Variants in CSMD3 observed in about 807,000 individuals in gnomAD.
CSMD3 encodes the protein CUB and sushi domain-containing protein 3.
Under a neutral mutation model 435.2 loss-of-function variants are expected in CSMD3, and 177 were observed. That is an observed-to-expected ratio of 0.41 (90% CI 0.36 to 0.46). The LOEUF (loss-of-function observed/expected upper bound fraction) is 0.46. Among genes scored for constraint, CSMD3 ranks in the 20% least tolerant of loss-of-function variants. The pLI is 0.34. For missense variants in CSMD3, 4,265 were observed against 4,504.6 expected, an observed-to-expected ratio of 0.95 and a Z score of 1.52; for synonymous variants, 1,656 against 1,520.5, an observed-to-expected ratio of 1.09 and a Z score of -2.07.
chr8:113,320,909 G>T (rs182001417), intron 1 of CSMD3, among the ~76,000 whole-genome samples: 2 of 152,198 alleles, frequency 1.3e-5, no homozygotes, highest in Admixed American at 6.5e-5. Context: ...TCTCCGTGTA[G>T]ATGTAGCATA....
intron 1 of CSMD3, among the ~76,000 whole-genome samples, chr8:113,421,551 T>C (rs370079772): frequency 2.0e-5 from 3 of 152,212 alleles, no homozygotes; most frequent in Non-Finnish European, 2.9e-5. Flanking sequence ...TTGTCAACTG[T>C]GTTTTTTTGG....
At chr8:113,406,812 C>T (rs1034750375) in intron 1 of CSMD3, among the ~76,000 whole-genome samples, 9 of 151,972 alleles carry the variant, frequency 5.9e-5, no homozygotes, top group African/African-American at 1.9e-4. Flanking sequence ...ATTTAGTAAG[C>T]TATAATATTT....
At chr8:112,238,232 G>T (rs1813783231) in intron 66 of CSMD3, among the ~76,000 whole-genome samples, 1 of 151,952 alleles carries the variant, frequency 6.6e-6, no homozygotes, top group South Asian at 2.1e-4. Flanking sequence ...ACCCTCTTTG[G>T]ATGAATGACT....
At chr8:112,310,875 C>T (rs778967374) in intron 50 of CSMD3, 103 bp downstream of exon 50, 30 of 943,466 alleles carry the variant, frequency 3.2e-5, no homozygotes, top group South Asian at 1.1e-4. Flanking sequence ...AATATGCTTC[C>T]GAATATTTCC....
intron 1 of CSMD3, among the ~76,000 whole-genome samples, chr8:113,413,200 T>C (rs1292272779): frequency 3.3e-5 from 5 of 152,124 alleles, no homozygotes. Flanking sequence ...AATTGCTTCA[T>C]AAGGATTATA....
Position 112,517,005 on chromosome 8 carries a change from TA to T in CSMD3, c.4756+28del, listed in dbSNP as rs565716543. On this transcript the variant is annotated intron_variant, in intron 28 of 70. Coordinates refer to ENST00000297405, the MANE Select transcript of CSMD3 (RefSeq NM_198123.2). ...TTTTAACCATTGTTTTATGTTTATA[TA>T]AAATTTTAATTGTTCTTTAATTCAT... 4.9e-5 allele frequency: 76 copies of T among 1,560,378 alleles called. No homozygotes were observed. In the African/African-American group the frequency reaches 9.2e-4, roughly 19 times the overall value.
chr8:112,986,331 C>T (rs1464069962), intron 6 of CSMD3, among the ~76,000 whole-genome samples: 1 of 152,074 alleles, frequency 6.6e-6, no homozygotes, highest in African/African-American at 2.4e-5. Flanking sequence ...AAATTTTCTA[C>T]ATACCAAGTA....
At chr8:112,827,164 AATATATATAT>A (rs3047126) in intron 12 of CSMD3, among the ~76,000 whole-genome samples, 1,457 of 82,826 alleles carry the variant, frequency 0.018, 58 homozygotes, top group African/African-American at 0.062. Flanking sequence ...GGTTACCATA[AATATATATAT>A]ATATATATAT....
chr8:112,954,059 T>A (rs887415625), intron 8 of CSMD3, among the ~76,000 whole-genome samples: 1 of 151,498 alleles, frequency 6.6e-6, no homozygotes, highest in African/African-American at 2.4e-5. Flanking sequence ...TTTAAATGAA[T>A]GCTCTAATTC....
chr8:112,261,522 A>ATG (rs373332577), intron 61 of CSMD3, among the ~76,000 whole-genome samples: 334 of 150,638 alleles, frequency 2.2e-3, no homozygotes, highest in Middle Eastern at 0.017. Context: ...ACGTGTATGC[A>ATG]TGTGTGTGTG....
At position 113,055,821 on chromosome 8, in the gene CSMD3, G is replaced by A. The variant is rs374881592; in HGVS notation, c.918-36642C>T. 4.9e-4 allele frequency among the ~76,000 whole-genome samples: 74 copies of A among 152,246 alleles called. No homozygotes were observed. The South Asian group carries it at 0.015, about 32-fold the overall frequency. On this transcript the variant is annotated intron_variant, in intron 5 of 70. Coordinates refer to ENST00000297405, the MANE Select transcript of CSMD3 (RefSeq NM_198123.2). ...TAGTAGAGGCAAGGCATTTGGCATT[G>A]TTATTTATCAAGTTGAGGTACTGTA...
chr8:112,409,326 T>G (rs1206316604), intron 32 of CSMD3, among the ~76,000 whole-genome samples: 2 of 151,988 alleles, frequency 1.3e-5, no homozygotes, highest in Non-Finnish European at 2.9e-5. Context: ...AAATTGATGA[T>G]TAATACTTTA....
intron 2 of CSMD3, among the ~76,000 whole-genome samples, chr8:113,292,070 T>C (rs2093690178): frequency 6.6e-6 from 1 of 151,796 alleles, no homozygotes; most frequent in Non-Finnish European, 1.5e-5. Context: ...AGGTATTCAA[T>C]TAATAATGCC....
chr8:112,350,671 T>C (rs1267874796), intron 40 of CSMD3, among the ~76,000 whole-genome samples: 2 of 152,152 alleles, frequency 1.3e-5, no homozygotes, highest in East Asian at 3.9e-4. Flanking sequence ...GGAAGCAGCA[T>C]TGAGTTAAAG....
intron 9 of CSMD3, among the ~76,000 whole-genome samples, chr8:112,923,622 G>A (rs1029806406): frequency 6.6e-6 from 1 of 152,068 alleles, no homozygotes; most frequent in Admixed American, 6.6e-5. Flanking sequence ...GTGTAAAACA[G>A]CTACGCCTAT....
intron 32 of CSMD3, among the ~76,000 whole-genome samples, chr8:112,468,469 T>C (rs1818194871): frequency 6.6e-6 from 1 of 152,096 alleles, no homozygotes; most frequent in Non-Finnish European, 1.5e-5. Context: ...TACACATTTA[T>C]TCCCAAATTT....
At chr8:113,381,926 A>G (rs2094417541) in intron 1 of CSMD3, among the ~76,000 whole-genome samples, 1 of 152,172 alleles carries the variant, frequency 6.6e-6, no homozygotes, top group African/African-American at 2.4e-5. Flanking sequence ...TCATGTATTC[A>G]GATTTATATT....
intron 27 of CSMD3, among the ~76,000 whole-genome samples, chr8:112,548,323 C>T (rs1409201211): frequency 1.3e-5 from 2 of 152,064 alleles, no homozygotes; most frequent in African/African-American, 4.8e-5. Flanking sequence ...AATCAGGAAA[C>T]CAAATTGATT....
At chr8:112,244,353 G>T (rs1211296372) in intron 65 of CSMD3, 41 bp downstream of exon 65, 2 of 1,492,970 alleles carry the variant, frequency 1.3e-6, no homozygotes, top group Admixed American at 1.7e-5. Context: ...AAGCAATAGT[G>T]CAATCTCTTG....
Sources: gnomAD v4.1 joint callset for allele counts (sites outside exome capture counted in the v4.1 genomes callset) on GRCh38, gnomAD v4.1.1 for gene constraint, MANE v1.5 for transcripts, NCBI Gene and HGNC (gene_info 2026-07-23, HGNC 2026-07-21) for gene names.